The following BTBD9 variants were observed in gnomAD, a reference collection of about 807,000 sequenced individuals.
BTBD9 encodes the protein BTB domain containing 9, also known as BTB/POZ domain-containing protein 9.
In BTBD9, 49 loss-of-function variants were observed where a neutral mutation model predicts 64.3. The ratio of observed to expected loss-of-function variants is 0.76; its 90% CI spans 0.61 to 0.97. The LOEUF (loss-of-function observed/expected upper bound fraction) is 0.97, where lower values mean the gene tolerates loss of function less well. Among genes scored for constraint, BTBD9 ranks in the 50% least tolerant of loss-of-function variants. The pLI is 0.00. For missense variants in BTBD9, 598 were observed against 762.1 expected (o/e 0.78, Z 2.53); for synonymous variants, 260 against 274.7 (o/e 0.95, Z 0.53).
At chr6:38,326,693 G>A (rs1258461626) in intron 7 of BTBD9, among the ~76,000 whole-genome samples, 1 of 151,152 alleles carries the variant, frequency 6.6e-6, no homozygotes, top group African/African-American at 2.4e-5. Context: ...AGGTTTTACT[G>A]AGATGTGCTT....
At chr6:38,543,149 C>T (rs1228505887) in intron 6 of BTBD9, among the ~76,000 whole-genome samples, 8 of 152,282 alleles carry the variant, frequency 5.3e-5, no homozygotes, top group Admixed American at 5.2e-4. Context: ...AGGCTCTTCG[C>T]ACAGATATCC....
chr6:38,472,621 T>C (rs1226131048), intron 6 of BTBD9, among the ~76,000 whole-genome samples: 3 of 152,080 alleles, frequency 2.0e-5, no homozygotes, highest in Admixed American at 2.0e-4. Context: ...AACCAACCAG[T>C]CCAGGAATAA....
intron 9 of BTBD9, among the ~76,000 whole-genome samples, chr6:38,255,910 G>T (rs1235693289): frequency 6.6e-6 from 1 of 152,066 alleles, no homozygotes; most frequent in African/African-American, 2.4e-5. Context: ...ACACACTGGG[G>T]CCTGTCGTGG....
chr6:38,608,182 T>C (rs1455405865), intron 1 of BTBD9, among the ~76,000 whole-genome samples: 1 of 152,190 alleles, frequency 6.6e-6, no homozygotes, highest in Non-Finnish European at 1.5e-5. Context: ...CTTTTAGGAA[T>C]GACAAGTCAT....
intron 6 of BTBD9, among the ~76,000 whole-genome samples, chr6:38,505,340 G>A (rs1228174187): frequency 6.6e-6 from 1 of 151,954 alleles, no homozygotes; most frequent in Admixed American, 6.6e-5. Context: ...AATCCCCTAT[G>A]GAGGCCAGGT....
chr6:38,420,979 T>TA (rs987407590), intron 6 of BTBD9, among the ~76,000 whole-genome samples: 23 of 152,254 alleles, frequency 1.5e-4, no homozygotes, highest in East Asian at 5.8e-4. Context: ...TCAAATACAG[T>TA]AAAAAAAGTT....
intron 6 of BTBD9, among the ~76,000 whole-genome samples, chr6:38,369,504 A>T (rs984308903): frequency 1.3e-5 from 2 of 152,010 alleles, no homozygotes; most frequent in African/African-American, 4.8e-5. Flanking sequence ...GCAGCTTCAC[A>T]CTCCCACCAC....
chr6:38,422,764 A>G (rs1767964864), intron 6 of BTBD9, among the ~76,000 whole-genome samples: 1 of 152,188 alleles, frequency 6.6e-6, no homozygotes, highest in South Asian at 2.1e-4. Context: ...AGGCACTGGT[A>G]TATTTTGACG....
At chr6:38,563,524 C>T (rs1290361027) in intron 6 of BTBD9, among the ~76,000 whole-genome samples, 1 of 152,072 alleles carries the variant, frequency 6.6e-6, no homozygotes, top group African/African-American at 2.4e-5. Flanking sequence ...AAAGTCAGAT[C>T]ATGTCACATC....
intron 6 of BTBD9, among the ~76,000 whole-genome samples, chr6:38,426,472 G>A (rs1182818807): frequency 4.6e-5 from 7 of 151,858 alleles, no homozygotes; most frequent in Admixed American, 4.6e-4. Flanking sequence ...TCTTGCAACT[G>A]CACTCTTCTG....
At chr6:38,507,962 T>G (rs1040617368) in intron 6 of BTBD9, among the ~76,000 whole-genome samples, 2 of 151,580 alleles carry the variant, frequency 1.3e-5, no homozygotes, top group African/African-American at 4.9e-5. Flanking sequence ...GCCTCCCGAG[T>G]AGCTGGGACT....
chr6:38,374,308 T>TATATATATATATAC (rs1562095574), intron 6 of BTBD9, among the ~76,000 whole-genome samples: 2 of 84,088 alleles, frequency 2.4e-5, no homozygotes, highest in East Asian at 3.1e-4. Flanking sequence ...TATATATATG[T>TATATATATATATAC]ATATATATAT....
At chr6:38,270,268 C>T (rs949071455) in intron 8 of BTBD9, among the ~76,000 whole-genome samples, 1 of 152,184 alleles carries the variant, frequency 6.6e-6, no homozygotes, top group Non-Finnish European at 1.5e-5. Flanking sequence ...ATAGGACCTA[C>T]ATGGGCATCC....
chr6:38,551,797 C>T (rs553489355), intron 6 of BTBD9, among the ~76,000 whole-genome samples: 43 of 152,298 alleles, frequency 2.8e-4, no homozygotes, highest in African/African-American at 1.0e-3. Context: ...ATTTTAGGAT[C>T]ACAGCAATGT....
chr6:38,540,410 T>C (rs942605681), intron 6 of BTBD9, among the ~76,000 whole-genome samples: 23 of 152,242 alleles, frequency 1.5e-4, no homozygotes, highest in African/African-American at 5.1e-4. Flanking sequence ...AATTGGTTTA[T>C]GTTACAATAA....
chr6:38,607,040 G>A (rs78154027), intron 1 of BTBD9, among the ~76,000 whole-genome samples: 3 of 152,050 alleles, frequency 2.0e-5, no homozygotes, highest in Non-Finnish European at 4.4e-5. Flanking sequence ...CTTCAGACTA[G>A]GTAAAATATG....
At chr6:38,370,983 G>C (rs188612146) in intron 6 of BTBD9, among the ~76,000 whole-genome samples, 47 of 152,278 alleles carry the variant, frequency 3.1e-4, no homozygotes, top group African/African-American at 1.1e-3. Context: ...CACCTAAAAG[G>C]ACCTTGCTCC....
intron 9 of BTBD9, among the ~76,000 whole-genome samples, chr6:38,204,945 A>C (rs1460651984): frequency 6.6e-6 from 1 of 152,204 alleles, no homozygotes; most frequent in Non-Finnish European, 1.5e-5. Flanking sequence ...GTGAACAAGA[A>C]AGTGCTCTTG....
At chr6:38,322,930 A>G (rs1763291442) in intron 7 of BTBD9, among the ~76,000 whole-genome samples, 1 of 152,208 alleles carries the variant, frequency 6.6e-6, no homozygotes, top group South Asian at 2.1e-4. Context: ...CTATATCCTC[A>G]AGACAATTGA....
Sources: allele counts gnomAD v4.1 joint callset (sites outside exome capture counted in the v4.1 genomes callset), GRCh38; gene constraint gnomAD v4.1.1; transcripts MANE v1.5; gene names NCBI Gene and HGNC (gene_info 2026-07-23, HGNC 2026-07-21).